Variants in DPY19L4 observed in about 807,000 individuals in gnomAD.
DPY19L4 encodes probable C-mannosyltransferase DPY19L4.
Under a neutral mutation model 102.8 loss-of-function variants are expected in DPY19L4, and 97 were observed. The observed-to-expected ratio is 0.94, with a 90% confidence interval of 0.80 to 1.12. The LOEUF (loss-of-function observed/expected upper bound fraction) is 1.12. Ranked by LOEUF, DPY19L4 falls within the 50% of genes most tolerant of loss-of-function variation. The probability of loss-of-function intolerance (pLI) is 0.00; values close to 1 mark genes in which losing one functional copy is unlikely to be tolerated. For missense variants in DPY19L4, 815 were observed against 850.4 expected (o/e 0.96, Z 0.52); for synonymous variants, 252 against 283.1 (o/e 0.89, Z 1.10).
chr8:94,768,300 G>A, intron 11 of DPY19L4, 95 bp from the exon 12 acceptor site: 1 of 987,880 alleles, frequency 1.0e-6, no homozygotes, highest in Non-Finnish European at 1.5e-6. Context: ...TAGGAAATGT[G>A]TTTTTTCTTA....
Position 94,719,949 on chromosome 8 carries a change from G to A in DPY19L4, c.-50G>A, listed in dbSNP as rs1295619955. 6.7e-7 allele frequency: 1 copy of A among 1,489,090 alleles called. No homozygotes were observed. The highest frequency in any genetic ancestry group is 2.9e-5 in the East Asian group (1 of 34,552). The allele number at this position is 1,489,090 out of a possible 1,614,324, so 92.2% of individuals were successfully genotyped here. A position where few individuals can be genotyped will look rare whatever the true frequency, so the allele number is the denominator to read the frequency against. Reference sequence around the variant, plus strand: ...GGGTTCGGCGACGCGGAGGGAGGGAGAGTCTGGGCCGCGCGGGAGCCGCAG... The same window carrying A: ...GGGTTCGGCGACGCGGAGGGAGGGAAAGTCTGGGCCGCGCGGGAGCCGCAG... On this transcript the variant is annotated 5_prime_UTR_variant, in exon 1 of 19. Coordinates refer to ENST00000414645, the MANE Select transcript of DPY19L4 (RefSeq NM_181787.3).
intron 2 of DPY19L4, among the ~76,000 whole-genome samples, chr8:94,729,374 AAC>A (rs1182396784): frequency 3.1e-4 from 47 of 150,976 alleles, no homozygotes; most frequent in African/African-American, 1.0e-3. Context: ...TCCGTCTTAA[AAC>A]ACACACACAC....
At chr8:94,755,503 G>A (rs1478231889) in intron 6 of DPY19L4, among the ~76,000 whole-genome samples, 20 of 152,162 alleles carry the variant, frequency 1.3e-4, no homozygotes, top group Admixed American at 1.3e-3. Context: ...AGGCCCATCT[G>A]TTTCACCAAG....
rs117144737 is a variant in DPY19L4 at position 94,740,254 on chromosome 8, C to T, written c.611+464C>T. Among the ~76,000 whole-genome samples the T allele has an allele frequency of 1.3e-4, 20 of 152,242 alleles. No individual in the cohort carries two copies. The East Asian group carries it at 3.7e-3, about 28-fold the overall frequency. The stretch of plus-strand genomic sequence containing the variant: ...AATAAATTTGTGTTGTTTTATGCCA[C>T]TATATGCAAAAATTGAGACATAATA... On this transcript the variant is annotated intron_variant, in intron 6 of 18. Coordinates refer to ENST00000414645, the MANE Select transcript of DPY19L4 (RefSeq NM_181787.3).
At chr8:94,723,007 C>T (rs1810535136) in intron 1 of DPY19L4, among the ~76,000 whole-genome samples, 1 of 152,224 alleles carries the variant, frequency 6.6e-6, no homozygotes, top group Non-Finnish European at 1.5e-5. Context: ...TAACATTTCA[C>T]TTGGAAACTG....
intron 2 of DPY19L4, among the ~76,000 whole-genome samples, chr8:94,734,118 G>C (rs1231621716): frequency 1.4e-5 from 2 of 148,036 alleles, no homozygotes; most frequent in Non-Finnish European, 3.0e-5. Context: ...GGAGTGCAGT[G>C]GCATGATCTC....
intron 13 of DPY19L4, among the ~76,000 whole-genome samples, chr8:94,771,399 T>C (rs1237300565): frequency 6.6e-6 from 1 of 152,212 alleles, no homozygotes; most frequent in Non-Finnish European, 1.5e-5. Context: ...TATTCCAAGT[T>C]CTAGGCATTG....
chr8:94,756,307 A>T (rs1812161930), intron 7 of DPY19L4, 148 bp downstream of exon 7: 1 of 1,100,952 alleles, frequency 9.1e-7, no homozygotes, highest in African/African-American at 1.6e-5. Context: ...ATAGTTAGGT[A>T]GTTTTCTTAC....
chr8:94,769,065 T>G (rs1341159988), intron 12 of DPY19L4, among the ~76,000 whole-genome samples: 4 of 148,870 alleles, frequency 2.7e-5, no homozygotes, highest in Admixed American at 1.3e-4. Flanking sequence ...TTTTTTTGTT[T>G]TTTTTTTTTT....
intron 13 of DPY19L4, among the ~76,000 whole-genome samples, chr8:94,772,578 C>T (rs1812982463): frequency 1.3e-5 from 2 of 152,218 alleles, no homozygotes; most frequent in Non-Finnish European, 2.9e-5. Flanking sequence ...TGACAGTACA[C>T]ACGGAGTACT....
At chr8:94,757,120 C>T (rs1472275617) in intron 7 of DPY19L4, among the ~76,000 whole-genome samples, 1 of 152,154 alleles carries the variant, frequency 6.6e-6, no homozygotes, top group East Asian at 1.9e-4. Flanking sequence ...CTTTGATAGT[C>T]TTCTTATCTG....
chr8:94,739,936 A>C, intron 6 of DPY19L4, 146 bp downstream of exon 6: 1 of 1,089,608 alleles, frequency 9.2e-7, no homozygotes, highest in Non-Finnish European at 1.3e-6. Flanking sequence ...TGATTATGAT[A>C]CTTTGTATAG....
intron 6 of DPY19L4, among the ~76,000 whole-genome samples, chr8:94,742,285 G>A (rs1336153722): frequency 6.6e-6 from 1 of 152,116 alleles, no homozygotes; most frequent in Non-Finnish European, 1.5e-5. Flanking sequence ...GTGAACCCAG[G>A]AGGCAGAGCT....
At chr8:94,735,599 C>T (rs931828068) in intron 3 of DPY19L4, among the ~76,000 whole-genome samples, 1 of 152,102 alleles carries the variant, frequency 6.6e-6, no homozygotes, top group Non-Finnish European at 1.5e-5. Flanking sequence ...GGACAGGCTG[C>T]GATCAGTATG....
chr8:94,738,812 G>A (rs1811310610), intron 4 of DPY19L4, among the ~76,000 whole-genome samples: 1 of 152,000 alleles, frequency 6.6e-6, no homozygotes, highest in Non-Finnish European at 1.5e-5. Context: ...GCGCCCGGCT[G>A]TAATATCAAT....
At chr8:94,766,800 G>A (rs1012543407) in intron 11 of DPY19L4, 115 bp downstream of exon 11, 2 of 900,470 alleles carry the variant, frequency 2.2e-6, no homozygotes, top group Non-Finnish European at 3.3e-6. Flanking sequence ...CACTTTAGGA[G>A]GCCGAGGTGG....
At chr8:94,765,076 T>G in intron 8 of DPY19L4, 107 bp from the exon 9 acceptor site, 1 of 832,432 alleles carries the variant, frequency 1.2e-6, no homozygotes, top group Non-Finnish European at 1.8e-6. Context: ...TCCTAAATTA[T>G]AGTAGAGCAT....
chr8:94,752,719 C>T (rs1340327341), intron 6 of DPY19L4, among the ~76,000 whole-genome samples: 1 of 149,328 alleles, frequency 6.7e-6, no homozygotes, highest in African/African-American at 2.5e-5. Context: ...GGCTGGAGTG[C>T]AGCGACGTGA....
At chr8:94,741,291 G>A (rs1811434545) in intron 6 of DPY19L4, among the ~76,000 whole-genome samples, 1 of 152,112 alleles carries the variant, frequency 6.6e-6, no homozygotes. Flanking sequence ...GCGTTTTTTA[G>A]CACCAAATGA....
Sources: gnomAD v4.1 joint callset for allele counts (sites outside exome capture counted in the v4.1 genomes callset) on GRCh38, gnomAD v4.1.1 for gene constraint, MANE v1.5 for transcripts, NCBI Gene and HGNC (gene_info 2026-07-23, HGNC 2026-07-21) for gene names.